Variants in CNBD1 observed in about 807,000 individuals in gnomAD.
The protein encoded by CNBD1 is cyclic nucleotide-binding domain-containing protein 1.
A neutral mutation model predicts 54.4 loss-of-function variants in CNBD1; 71 were observed. The observed-to-expected ratio is 1.30, with a 90% confidence interval of 1.08 to 1.59. The LOEUF is 1.59. Ranked by LOEUF, CNBD1 falls within the 40% of genes most tolerant of loss-of-function variation. CNBD1 has a pLI of 0.00. For synonymous variants in CNBD1, 182 were observed against 170.7 expected, an observed-to-expected ratio of 1.07 and a Z score of -0.51; for missense variants, 659 against 518.0, an observed-to-expected ratio of 1.27 and a Z score of -2.64.
intron 10 of CNBD1, among the ~76,000 whole-genome samples, chr8:87,381,315 C>G (rs927790369): frequency 1.3e-5 from 2 of 151,942 alleles, no homozygotes; most frequent in African/African-American, 4.8e-5. Context: ...AAAATGCAAA[C>G]AAAACCACAG....
At chr8:87,405,883 A>G (rs6991918) in intron 2 of CNBD1, among the ~76,000 whole-genome samples, 82,171 of 151,920 alleles carry the variant, frequency 0.54, 23,142 homozygotes, top group African/African-American at 0.68. Flanking sequence ...TATCTATTTC[A>G]TCAGTTAAAA....
intron 4 of CNBD1, among the ~76,000 whole-genome samples, chr8:87,130,748 G>T (rs1406785853): frequency 1.3e-5 from 2 of 148,988 alleles, no homozygotes; most frequent in Non-Finnish European, 3.0e-5. Context: ...CTGCACTGTA[G>T]CTCAGGCCAC....
At chr8:86,955,518 T>C (rs1563835774) in intron 4 of CNBD1, among the ~76,000 whole-genome samples, 3 of 152,176 alleles carry the variant, frequency 2.0e-5, no homozygotes, top group Admixed American at 6.6e-5. Context: ...TGTTAATGAT[T>C]GCCATTCTAA....
chr8:87,424,787 C>T (rs1332487278), intron 2 of CNBD1, among the ~76,000 whole-genome samples: 1 of 152,140 alleles, frequency 6.6e-6, no homozygotes, highest in South Asian at 2.1e-4. Flanking sequence ...GTGAATCTGA[C>T]AATTATGTGT....
intron 4 of CNBD1, among the ~76,000 whole-genome samples, chr8:87,138,234 T>G (rs1168270534): frequency 2.0e-5 from 3 of 152,148 alleles, no homozygotes; most frequent in Non-Finnish European, 4.4e-5. Flanking sequence ...GAGTTCCTAC[T>G]ATTACACTGA....
intron 4 of CNBD1, among the ~76,000 whole-genome samples, chr8:87,116,272 ACT>A (rs972545933): frequency 3.4e-4 from 47 of 138,780 alleles, no homozygotes; most frequent in African/African-American, 1.2e-3. Flanking sequence ...CATAAACATG[ACT>A]CACTACAGCC....
intron 3 of CNBD1, among the ~76,000 whole-genome samples, chr8:86,938,182 A>G (rs1809585093): frequency 6.6e-6 from 1 of 152,116 alleles, no homozygotes; most frequent in South Asian, 2.1e-4. Context: ...CCTTTATTTA[A>G]GTTTCTGACA....
intron 4 of CNBD1, among the ~76,000 whole-genome samples, chr8:86,979,019 G>A (rs1187651926): frequency 6.6e-6 from 1 of 152,026 alleles, no homozygotes; most frequent in Non-Finnish European, 1.5e-5. Context: ...TTAAGATTAT[G>A]TCGTAATGTT....
chr8:87,352,887 AT>A (rs1442306183), intron 9 of CNBD1, among the ~76,000 whole-genome samples: 1 of 152,196 alleles, frequency 6.6e-6, no homozygotes, highest in Admixed American at 6.5e-5. Flanking sequence ...TTCAAGTTAT[AT>A]TGGATTTGAC....
intron 8 of CNBD1, among the ~76,000 whole-genome samples, chr8:87,345,011 T>A (rs76984956): frequency 0.019 from 2,837 of 152,250 alleles, 89 homozygotes; most frequent in African/African-American, 0.062. Flanking sequence ...AATATTTTCC[T>A]TCTATTGATT....
At chr8:87,236,589 T>A (rs965908822) in intron 5 of CNBD1, among the ~76,000 whole-genome samples, 6 of 151,732 alleles carry the variant, frequency 4.0e-5, no homozygotes, top group Admixed American at 2.6e-4. Context: ...ATTCAAGGGC[T>A]TTTCTGGTCC....
At chr8:87,053,926 C>T (rs563128421) in intron 4 of CNBD1, among the ~76,000 whole-genome samples, 1 of 152,322 alleles carries the variant, frequency 6.6e-6, no homozygotes, top group African/African-American at 2.4e-5. Context: ...TTTTAGATGC[C>T]ATTGCAATTG....
chr8:87,280,430 G>A (rs896878498), intron 6 of CNBD1, among the ~76,000 whole-genome samples: 1 of 151,430 alleles, frequency 6.6e-6, no homozygotes, highest in Non-Finnish European at 1.5e-5. Context: ...TATATTAGAA[G>A]TTCAAGAAGT....
chr8:87,421,733 A>C (rs1392757996), intron 2 of CNBD1, among the ~76,000 whole-genome samples: 1 of 149,616 alleles, frequency 6.7e-6, no homozygotes, highest in Non-Finnish European at 1.5e-5. Flanking sequence ...CACAATAAAC[A>C]TACGTGTGCA....
At chr8:87,255,782 C>T (rs1244286817) in intron 6 of CNBD1, among the ~76,000 whole-genome samples, 1 of 150,656 alleles carries the variant, frequency 6.6e-6, no homozygotes, top group African/African-American at 2.4e-5. Context: ...CCTTCTGGGT[C>T]TCATTTTTCT....
chr8:86,963,274 C>T (rs1563839236), intron 4 of CNBD1, among the ~76,000 whole-genome samples: 1 of 152,120 alleles, frequency 6.6e-6, no homozygotes. Context: ...CATTTGAGTT[C>T]CCTAGACCCT....
intron 4 of CNBD1, among the ~76,000 whole-genome samples, chr8:87,012,886 A>T (rs936478158): frequency 1.3e-5 from 2 of 152,164 alleles, no homozygotes; most frequent in African/African-American, 4.8e-5. Flanking sequence ...GCATCCTAAA[A>T]TACATAAAAC....
At chr8:87,294,284 C>A (rs1808836072) in intron 8 of CNBD1, among the ~76,000 whole-genome samples, 1 of 152,166 alleles carries the variant, frequency 6.6e-6, no homozygotes, top group African/African-American at 2.4e-5. Context: ...TTTTCAAATA[C>A]ATTTCCACTT....
intron 4 of CNBD1, among the ~76,000 whole-genome samples, chr8:87,136,597 ATATT>A (rs1426435342): frequency 1.9e-4 from 12 of 63,368 alleles, no homozygotes; most frequent in African/African-American, 8.1e-4. Context: ...ATTATATATT[ATATT>A]TATATTATAT....
Sources: allele counts gnomAD v4.1 joint callset (sites outside exome capture counted in the v4.1 genomes callset), GRCh38; gene constraint gnomAD v4.1.1; transcripts MANE v1.5; gene names NCBI Gene and HGNC (gene_info 2026-07-23, HGNC 2026-07-21).